PI4KA: variants seen among roughly 807,000 people sequenced by gnomAD.
The protein encoded by PI4KA is PI4-kinase alpha.
In PI4KA, 122 loss-of-function variants were observed where a neutral mutation model predicts 271.4. The observed-to-expected ratio is 0.45, with a 90% confidence interval of 0.39 to 0.52. PI4KA has a LOEUF of 0.52. PI4KA is among the 20% of genes least tolerant of loss of function. The pLI is 0.00. For synonymous variants in PI4KA, 1,041 were observed against 1,078.8 expected (o/e 0.96, Z 0.69); for missense variants, 1,969 against 2,769.1 (o/e 0.71, Z 6.48).
intron 1 of PI4KA, among the ~76,000 whole-genome samples, chr22:20,843,097 CAAAA>C (rs361761): frequency 1.8e-5 from 2 of 113,882 alleles, no homozygotes; most frequent in Admixed American, 9.0e-5. Flanking sequence ...GACTCCGTCT[CAAAA>C]AAAAAAAAAA....
chr22:20,733,251 C>G (rs1377389923), intron 35 of PI4KA, among the ~76,000 whole-genome samples, 153 bp from the exon 36 acceptor site: 1 of 151,314 alleles, frequency 6.6e-6, no homozygotes, highest in African/African-American at 2.4e-5. Flanking sequence ...CTGGCCCATT[C>G]CCATGGGAAG....
intron 42 of PI4KA, among the ~76,000 whole-genome samples, chr22:20,723,106 C>T (rs113249550): frequency 0.068 from 10,298 of 151,410 alleles, 936 homozygotes; most frequent in African/African-American, 0.21. Context: ...CTGCAAGCTC[C>T]GCCTCCCGGG....
chr22:20,726,855 T>A (rs1927409234), intron 41 of PI4KA, among the ~76,000 whole-genome samples: 1 of 152,072 alleles, frequency 6.6e-6, no homozygotes, highest in Admixed American at 6.6e-5. Flanking sequence ...ATCATGGCTA[T>A]CTCGTGGGCT....
At chr22:20,764,438 G>A (rs112963936) in intron 22 of PI4KA, among the ~76,000 whole-genome samples, 172 of 152,296 alleles carry the variant, frequency 1.1e-3, no homozygotes, top group African/African-American at 4.0e-3. Flanking sequence ...CGCATTTGCT[G>A]TTTGTACTCA....
At chr22:20,800,653 G>A (rs1044215380) in intron 14 of PI4KA, among the ~76,000 whole-genome samples, 1 of 149,914 alleles carries the variant, frequency 6.7e-6, no homozygotes, top group Non-Finnish European at 1.5e-5. Context: ...ACAAGGTCAG[G>A]AGATCAAGAT....
chr22:20,804,912 T>G (rs1261406488), intron 11 of PI4KA, 62 bp downstream of exon 11: 13 of 1,365,938 alleles, frequency 9.5e-6, no homozygotes, highest in Middle Eastern at 2.4e-4. Context: ...GGGAAACTTG[T>G]GGCAAGAAAG....
chr22:20,737,391 A>G (rs1405685591), intron 32 of PI4KA, among the ~76,000 whole-genome samples: 2 of 152,084 alleles, frequency 1.3e-5, no homozygotes, highest in African/African-American at 2.4e-5. Flanking sequence ...CCTGCTAGTG[A>G]TATCTGTACT....
intron 11 of PI4KA, among the ~76,000 whole-genome samples, 168 bp downstream of exon 11, chr22:20,804,806 C>G (rs1215204299): frequency 1.3e-5 from 2 of 152,250 alleles, no homozygotes; most frequent in African/African-American, 4.8e-5. Context: ...ACGTGCAGAG[C>G]ACAGCAGGGG....
rs754632075 is a variant in PI4KA, at chr22:20,734,406, T to A, written c.3889A>T (p.Ile1297Phe). ...PCPPEVTPHY[I>F]WIDFLVQRFE... ...GAACAGGCACGTACGTCGATCCAGA[T>A]GTAGTGGGGGGTCACTTCGGGGGGA... The change falls in exon 33 of 55, where the codon ATC becomes TTC. Residue 1297 changes from isoleucine to phenylalanine, a missense_variant. Physicochemically the swap from Ile to Phe is conservative, Grantham distance 21. This residue lies in a region of PI4KA where 203 missense variants were observed against 256.8 expected (regional missense o/e 0.79). Coordinates refer to ENST00000255882, the MANE Select transcript of PI4KA (RefSeq NM_058004.4). The A allele has an allele frequency of 2.5e-6, 4 of 1,587,586 alleles. No homozygotes were observed. The highest frequency in any genetic ancestry group is 3.5e-6 in the Non-Finnish European group (4 of 1,157,988).
At chr22:20,733,248 A>G in intron 35 of PI4KA, 150 bp from the exon 36 acceptor site, 1 of 754,308 alleles carries the variant, frequency 1.3e-6, no homozygotes, top group African/African-American at 1.7e-5. Context: ...GATCTGGCCC[A>G]TTCCCATGGG....
intron 19 of PI4KA, among the ~76,000 whole-genome samples, chr22:20,786,513 C>T (rs1934239873): frequency 6.6e-6 from 1 of 152,186 alleles, no homozygotes; most frequent in Non-Finnish European, 1.5e-5. Flanking sequence ...TTAAACCAAT[C>T]GGGCGCTCAG....
Position 20,847,111 on chromosome 22 carries a change from G to C in PI4KA, c.157-8380C>G, listed in dbSNP as rs547567988. On this transcript the variant is annotated intron_variant, in intron 1 of 54. Coordinates refer to ENST00000255882, the MANE Select transcript of PI4KA (RefSeq NM_058004.4). ...TGCAGTGAGCCGAGATCACGCCACT[G>C]CACTCCAGACTGGGCAACAGAGCAA... Among the ~76,000 whole-genome samples the C allele has an allele frequency of 3.6e-4, 54 of 148,714 alleles. 1 individual carries two copies. The highest frequency in any genetic ancestry group is 5.5e-4 in the Non-Finnish European group (37 of 67,620).
chr22:20,751,570 G>A (rs1930694530), intron 26 of PI4KA, 104 bp downstream of exon 26: 6 of 1,078,948 alleles, frequency 5.6e-6, no homozygotes, highest in South Asian at 5.1e-5. Context: ...ATTATGTTCA[G>A]GCTTATTGTC....
At chr22:20,810,688 G>A (rs78262756) in intron 9 of PI4KA, among the ~76,000 whole-genome samples, 4,492 of 152,158 alleles carry the variant, frequency 0.03, 88 homozygotes, top group Middle Eastern at 0.058. Context: ...CAGTAACTAT[G>A]TGATGTGGGC....
At chr22:20,795,605 G>A (rs375205802) in intron 18 of PI4KA, among the ~76,000 whole-genome samples, 60 of 152,246 alleles carry the variant, frequency 3.9e-4, no homozygotes, top group East Asian at 2.7e-3. Flanking sequence ...ATGGTAGAGC[G>A]ACTAGTGCCC....
chr22:20,765,685 T>G lies in PI4KA; in HGVS notation c.2337A>C (p.Arg779=), dbSNP rs202141963. The change falls in exon 20 of 55, where the codon CGA becomes CGC. Residue 779 remains arginine, a synonymous_variant. Coordinates refer to ENST00000255882, the MANE Select transcript of PI4KA (RefSeq NM_058004.4). ...TAGCTTCTTTGATGGGTGGCAGTCG[T>G]CGGGTGAGCTGATGTGCCAAGAAGA... The part of the protein sequence containing the change: ...VLIPVIAVLT[R]RLPPIKEAKP... 1,113 of 1,608,932 alleles carry G rather than the reference T, an allele frequency of 6.9e-4. 7 individuals are homozygous for G. Among genetic ancestry groups the G allele is most frequent in the Middle Eastern group, 9.9e-4 (6 of 6,058 alleles).
intron 43 of PI4KA, among the ~76,000 whole-genome samples, chr22:20,720,734 G>A (rs1055021595): frequency 6.6e-6 from 1 of 152,134 alleles, no homozygotes; most frequent in Non-Finnish European, 1.5e-5. Flanking sequence ...TCTTCTACAA[G>A]GAAATGCCAC....
At chr22:20,785,839 T>C (rs1379759053) in intron 19 of PI4KA, among the ~76,000 whole-genome samples, 1 of 151,948 alleles carries the variant, frequency 6.6e-6, no homozygotes, top group Non-Finnish European at 1.5e-5. Context: ...TACAAAGGAG[T>C]GTGCTTCCTA....
intron 28 of PI4KA, among the ~76,000 whole-genome samples, chr22:20,749,532 G>A (rs980672005): frequency 1.3e-5 from 2 of 152,262 alleles, no homozygotes; most frequent in Non-Finnish European, 2.9e-5. Context: ...GCCTTGGTCA[G>A]GCCCCTGCCT....
Sources: gnomAD v4.1 joint callset for allele counts (sites outside exome capture counted in the v4.1 genomes callset) on GRCh38, gnomAD v4.1.1 for gene constraint, gnomAD v4.1.1 regional missense constraint, MANE v1.5 for transcripts, NCBI Gene and HGNC (gene_info 2026-07-23, HGNC 2026-07-21) for gene names.